The following SLCO5A1 variants were observed in gnomAD, a reference collection of about 807,000 sequenced individuals.
The protein encoded by SLCO5A1 is organic anion transporter polypeptide-related protein 4.
Under a neutral mutation model 65.1 loss-of-function variants are expected in SLCO5A1, and 39 were observed. The ratio of observed to expected loss-of-function variants is 0.60; its 90% confidence interval spans 0.46 to 0.78. SLCO5A1 has a LOEUF of 0.78. Among genes scored for constraint, SLCO5A1 ranks in the 30% least tolerant of loss-of-function variants. The pLI is 0.00. For synonymous variants in SLCO5A1, 438 were observed against 415.7 expected, an observed-to-expected ratio of 1.05 and a Z score of -0.65; for missense variants, 1,029 against 1,069.4, an observed-to-expected ratio of 0.96 and a Z score of 0.53.
chr8:69,686,084 G>C (rs1233038196), intron 6 of SLCO5A1, among the ~76,000 whole-genome samples: 1 of 151,850 alleles, frequency 6.6e-6, no homozygotes, highest in Non-Finnish European at 1.5e-5. Flanking sequence ...ACTTCTACTG[G>C]TCTCTGTAAA....
At chr8:69,754,839 G>T (rs1817475551) in intron 4 of SLCO5A1, among the ~76,000 whole-genome samples, 1 of 151,952 alleles carries the variant, frequency 6.6e-6, no homozygotes, top group Admixed American at 6.6e-5. Context: ...GCATTTGGAG[G>T]TCCATCCCCT....
chr8:69,740,710 G>T (rs1035019353), intron 4 of SLCO5A1, among the ~76,000 whole-genome samples: 1 of 152,146 alleles, frequency 6.6e-6, no homozygotes, highest in African/African-American at 2.4e-5. Flanking sequence ...GATAATACAA[G>T]ATAAGCCTAG....
intron 3 of SLCO5A1, among the ~76,000 whole-genome samples, chr8:69,756,711 G>T (rs1365279498): frequency 1.3e-5 from 2 of 152,256 alleles, no homozygotes; most frequent in Admixed American, 1.3e-4. Flanking sequence ...ATTCTGTCGT[G>T]AAATTCACCT....
At chr8:69,828,202 A>G (rs1016817023) in intron 2 of SLCO5A1, among the ~76,000 whole-genome samples, 2 of 152,184 alleles carry the variant, frequency 1.3e-5, no homozygotes, top group African/African-American at 4.8e-5. Context: ...ACTGAGATCC[A>G]TTTAATAGAA....
intron 2 of SLCO5A1, among the ~76,000 whole-genome samples, chr8:69,811,676 G>C (rs543787266): frequency 1.3e-5 from 2 of 152,214 alleles, no homozygotes; most frequent in Admixed American, 6.5e-5. Context: ...TACCCTGCCC[G>C]CTAAAATGAA....
chr8:69,677,024 C>T (rs62512219), intron 8 of SLCO5A1, among the ~76,000 whole-genome samples: 20,601 of 151,868 alleles, frequency 0.14, 1,481 homozygotes, highest in Middle Eastern at 0.16. Flanking sequence ...AAATACTGCA[C>T]GGTTTTTTTG....
intron 6 of SLCO5A1, among the ~76,000 whole-genome samples, chr8:69,688,144 C>CA (rs925822239): frequency 9.9e-5 from 15 of 150,766 alleles, no homozygotes; most frequent in African/African-American, 3.4e-4. Flanking sequence ...CAAATAGAGC[C>CA]AAAAAAAAGA....
At chr8:69,734,788 A>C (rs564441222) in intron 5 of SLCO5A1, among the ~76,000 whole-genome samples, 1 of 152,332 alleles carries the variant, frequency 6.6e-6, no homozygotes, top group South Asian at 2.1e-4. Flanking sequence ...TCAGATGATA[A>C]ATTCTTTTTC....
chr8:69,676,067 G>T (rs1813534711), intron 9 of SLCO5A1, among the ~76,000 whole-genome samples: 2 of 152,280 alleles, frequency 1.3e-5, no homozygotes, highest in South Asian at 4.1e-4. Context: ...GCACTACTGA[G>T]CTTCTCTTGT....
intron 6 of SLCO5A1, among the ~76,000 whole-genome samples, chr8:69,704,534 A>G (rs1251868193): frequency 2.0e-5 from 3 of 152,170 alleles, no homozygotes; most frequent in African/African-American, 7.2e-5. Flanking sequence ...ATACATATCC[A>G]CAATGTCTTA....
chr8:69,773,236 C>T (rs766563291), intron 2 of SLCO5A1, among the ~76,000 whole-genome samples: 3 of 152,186 alleles, frequency 2.0e-5, no homozygotes, highest in Non-Finnish European at 2.9e-5. Context: ...CTCTTCTCTG[C>T]GTGCCCTAGA....
chr8:69,784,793 AAAAG>A (rs71521961), intron 2 of SLCO5A1, among the ~76,000 whole-genome samples: 11 of 123,562 alleles, frequency 8.9e-5, no homozygotes, highest in African/African-American at 3.5e-4. Flanking sequence ...GTCTGAAAAA[AAAAG>A]AAAGAAAGAA....
chr8:69,762,899 C>T (rs1310623029), intron 2 of SLCO5A1, among the ~76,000 whole-genome samples: 1 of 152,210 alleles, frequency 6.6e-6, no homozygotes, highest in African/African-American at 2.4e-5. Flanking sequence ...AAGCACCAAC[C>T]ACAGATGAAC....
chr8:69,752,712 A>T (rs1342470099), intron 4 of SLCO5A1, among the ~76,000 whole-genome samples: 1 of 152,246 alleles, frequency 6.6e-6, no homozygotes, highest in Admixed American at 6.5e-5. Flanking sequence ...TTGAAGTTCC[A>T]GTCTTGATAT....
intron 2 of SLCO5A1, among the ~76,000 whole-genome samples, chr8:69,809,432 G>A (rs921233583): frequency 6.6e-6 from 1 of 152,134 alleles, no homozygotes; most frequent in Non-Finnish European, 1.5e-5. Context: ...AATTGCCAAT[G>A]AAATGTGCAA....
In SLCO5A1 at chr8:69,832,708, C is replaced by T; in HGVS notation, c.-35G>A. On this transcript the variant is annotated 5_prime_UTR_variant, in exon 2 of 10. The change creates a new upstream start codon in the 5' untranslated region. Coordinates refer to ENST00000260126, the MANE Select transcript of SLCO5A1 (RefSeq NM_030958.3). This position sits in a 1 kb window ranked among gnomAD's most constrained non-coding sequence, Gnocchi z 4.5. Reference sequence around the variant, plus strand: ...AATTCAGATTTGATAGCTGATGGCACCCAAGCACTCCGGCACGTTTCATCC... The same window carrying T: ...AATTCAGATTTGATAGCTGATGGCATCCAAGCACTCCGGCACGTTTCATCC... 6.4e-7 allele frequency: 1 copy of T among 1,558,594 alleles called. No individual in the cohort carries two copies. The highest frequency in any genetic ancestry group is 1.2e-5 in the South Asian group (1 of 84,266).
intron 6 of SLCO5A1, among the ~76,000 whole-genome samples, chr8:69,701,704 T>C (rs1031546844): frequency 3.9e-5 from 6 of 152,190 alleles, no homozygotes; most frequent in African/African-American, 1.4e-4. Flanking sequence ...TTAAATGTAT[T>C]TGATTGAAGT....
intron 6 of SLCO5A1, among the ~76,000 whole-genome samples, chr8:69,695,044 C>T (rs908853939): frequency 6.6e-6 from 1 of 152,176 alleles, no homozygotes; most frequent in Admixed American, 6.5e-5. Flanking sequence ...AATGGAATTG[C>T]TCTGCATGAT....
intron 2 of SLCO5A1, among the ~76,000 whole-genome samples, chr8:69,818,350 G>A (rs757225183): frequency 1.3e-5 from 2 of 152,166 alleles, no homozygotes; most frequent in Non-Finnish European, 2.9e-5. Context: ...TGTGGCCCTT[G>A]GATTAGCAGC....
Sources: gnomAD v4.1 joint callset for allele counts (sites outside exome capture counted in the v4.1 genomes callset) on GRCh38, gnomAD v4.1.1 for gene constraint, Gnocchi (gnomAD v3.1) non-coding constraint, MANE v1.5 for transcripts, NCBI Gene and HGNC (gene_info 2026-07-23, HGNC 2026-07-21) for gene names.